IFT43: variants seen among roughly 807,000 people sequenced by gnomAD.
The protein encoded by IFT43 is intraflagellar transport protein 43 homolog.
In IFT43, 33 loss-of-function variants were observed where a neutral mutation model predicts 32.3. The ratio of observed to expected loss-of-function variants is 1.02; its 90% CI spans 0.77 to 1.37. IFT43 has a LOEUF of 1.37. Ranked by LOEUF, IFT43 falls within the 40% of genes most tolerant of loss-of-function variation. The pLI is 0.00. For missense variants in IFT43, 274 were observed against 265.9 expected (o/e 1.03, Z -0.21); for synonymous variants, 93 against 98.2 (o/e 0.95, Z 0.31).
intron 5 of IFT43, among the ~76,000 whole-genome samples, chr14:76,063,325 G>A (rs1000534884): frequency 6.6e-6 from 1 of 152,226 alleles, no homozygotes; most frequent in African/African-American, 2.4e-5. Context: ...GGCTTGTGGA[G>A]TTTCACCCTA....
chr14:76,009,800 G>A (rs2036046102), intron 2 of IFT43, among the ~76,000 whole-genome samples: 1 of 149,500 alleles, frequency 6.7e-6, no homozygotes, highest in South Asian at 2.2e-4. Flanking sequence ...CTCATCTAGT[G>A]GTTTTTTTTT....
chr14:76,058,925 G>A (rs749572105), intron 4 of IFT43: 176 of 1,449,092 alleles, frequency 1.2e-4, no homozygotes, highest in Middle Eastern at 2.2e-4. Flanking sequence ...CAGGTATCAG[G>A]GTACTGGCCC....
chr14:76,006,013 T>G (rs572476202), intron 2 of IFT43, among the ~76,000 whole-genome samples: 15 of 152,244 alleles, frequency 9.9e-5, no homozygotes, highest in African/African-American at 3.6e-4. Flanking sequence ...GAGTGATTGG[T>G]GCAGAGACAG....
At chr14:76,043,469 C>T (rs1209816298) in intron 3 of IFT43, among the ~76,000 whole-genome samples, 1 of 151,182 alleles carries the variant, frequency 6.6e-6, no homozygotes, top group Admixed American at 6.6e-5. Context: ...CAAGGTATCA[C>T]GATTTTTTTT....
intron 2 of IFT43, among the ~76,000 whole-genome samples, chr14:76,001,078 G>T (rs2035876306): frequency 6.6e-6 from 1 of 152,074 alleles, no homozygotes; most frequent in Non-Finnish European, 1.5e-5. Flanking sequence ...TTGACACATA[G>T]ACCCTTCATG....
At chr14:75,986,128 C>T (rs1352332382) in intron 1 of IFT43, 2 of 1,399,524 alleles carry the variant, frequency 1.4e-6, no homozygotes, top group East Asian at 3.5e-5. Flanking sequence ...TTTTCTAGAG[C>T]CCCGAGTGCG....
chr14:76,001,371 A>G (rs2035882128), intron 2 of IFT43, among the ~76,000 whole-genome samples: 1 of 152,238 alleles, frequency 6.6e-6, no homozygotes, highest in Non-Finnish European at 1.5e-5. Flanking sequence ...GCAATTTACC[A>G]GAAATACTTA....
chr14:76,059,331 C>A lies in IFT43; in HGVS notation c.253C>A (p.Arg85Ser). The change falls in exon 5 of 9, where the codon CGC (arginine) becomes AGC (serine). Residue 85 changes from arginine to serine, a missense_variant. Arg to Ser is a moderately radical substitution (Grantham distance 110, BLOSUM62 -1). Transcript: ENST00000314067. ...RKASEEIEDF[R>S]LRPQSLNGSD... Reference sequence around the variant, plus strand: ...TTTCTTCTTTTTTGGGGGCAGTTTCCGCCTCAGACCACAGAGCCTGAATGG... The same window carrying A: ...TTTCTTCTTTTTTGGGGGCAGTTTCAGCCTCAGACCACAGAGCCTGAATGG... The A allele has an allele frequency of 6.2e-7, 1 of 1,613,952 alleles. No homozygotes were observed. The highest frequency in any genetic ancestry group is 8.5e-7 in the Non-Finnish European group (1 of 1,179,920).
chr14:76,003,715 A>G (rs1388028551), intron 2 of IFT43, among the ~76,000 whole-genome samples: 3 of 152,138 alleles, frequency 2.0e-5, no homozygotes, highest in Non-Finnish European at 4.4e-5. Flanking sequence ...CCTTTGTGGT[A>G]TTAATAGCAT....
At chr14:76,001,649 G>A (rs1187262925) in intron 2 of IFT43, among the ~76,000 whole-genome samples, 1 of 152,220 alleles carries the variant, frequency 6.6e-6, no homozygotes, top group Non-Finnish European at 1.5e-5. Flanking sequence ...AGGCTTTAGG[G>A]GGTGTCTTGG....
intron 5 of IFT43, among the ~76,000 whole-genome samples, chr14:76,077,215 C>T (rs183808915): frequency 0.017 from 2,244 of 131,166 alleles, 59 homozygotes; most frequent in African/African-American, 0.052. Flanking sequence ...TGGATATGCA[C>T]AGGGCTCTCC....
At chr14:75,994,821 T>C (rs963853392) in intron 2 of IFT43, among the ~76,000 whole-genome samples, 1 of 152,182 alleles carries the variant, frequency 6.6e-6, no homozygotes, top group Non-Finnish European at 1.5e-5. Flanking sequence ...GCCTTGACCT[T>C]CTATTGATTC....
chr14:76,050,041 G>A (rs1046720920), intron 3 of IFT43, among the ~76,000 whole-genome samples: 2 of 151,976 alleles, frequency 1.3e-5, no homozygotes, highest in Admixed American at 1.3e-4. Context: ...TCTGTTTTCC[G>A]AACACCTCAG....
At chr14:76,006,047 CT>C (rs2035975221) in intron 2 of IFT43, among the ~76,000 whole-genome samples, 1 of 151,724 alleles carries the variant, frequency 6.6e-6, no homozygotes, top group African/African-American at 2.4e-5. Context: ...TCCCTTGGGA[CT>C]AGTGACAGGG....
rs1479612947 is a variant in IFT43, at chr14:76,040,946, A to G, written c.216-17696A>G. On this transcript the variant is annotated intron_variant, in intron 3 of 8. Coordinates refer to ENST00000314067, the MANE Select transcript of IFT43 (RefSeq NM_001102564.3). ...AGACCCTGAGGCCACACATTGTCCA[A>G]TTGCTGTACCTCTAAGGGCCCAAGT... 3.9e-5 allele frequency among the ~76,000 whole-genome samples: 6 copies of G among 152,164 alleles called. No individual in the cohort carries two copies. In the East Asian group the frequency reaches 9.6e-4, roughly 24 times the overall value.
chr14:76,015,938 C>G (rs1169320464), intron 2 of IFT43, among the ~76,000 whole-genome samples: 2 of 152,172 alleles, frequency 1.3e-5, no homozygotes, highest in Admixed American at 1.3e-4. Flanking sequence ...TGATGTAGAA[C>G]ATTTTTTCAT....
chr14:76,076,538 T>C, intron 5 of IFT43: 1 of 1,608,322 alleles, frequency 6.2e-7, no homozygotes, highest in South Asian at 1.1e-5. Context: ...AGCTGGGTAG[T>C]GCTTGGGGTA....
chr14:76,079,113 G>A (rs145835344), intron 5 of IFT43, among the ~76,000 whole-genome samples: 187 of 152,320 alleles, frequency 1.2e-3, no homozygotes, highest in African/African-American at 3.9e-3. Flanking sequence ...AGGAGGAGGC[G>A]TCTTTGAAGG....
At chr14:76,080,670 G>T (rs1342114770) in intron 5 of IFT43, among the ~76,000 whole-genome samples, 1 of 152,186 alleles carries the variant, frequency 6.6e-6, no homozygotes, top group African/African-American at 2.4e-5. Flanking sequence ...CTTCCTCTCT[G>T]TCCCTCCATA....
Sources: gnomAD v4.1 joint callset for allele counts (sites outside exome capture counted in the v4.1 genomes callset) on GRCh38, gnomAD v4.1.1 for gene constraint, MANE v1.5 for transcripts, NCBI Gene and HGNC (gene_info 2026-07-23, HGNC 2026-07-21) for gene names.